Variants in PREX2 observed in about 807,000 individuals in gnomAD.
The protein encoded by PREX2 is phosphatidylinositol-3,4,5-trisphosphate dependent Rac exchange factor 2.
In PREX2, 107 loss-of-function variants were observed where a neutral mutation model predicts 203.2. The ratio of observed to expected loss-of-function variants is 0.53; its 90% CI spans 0.45 to 0.62. The LOEUF (loss-of-function observed/expected upper bound fraction) is 0.62, where lower values mean the gene tolerates loss of function less well. Among genes scored for constraint, PREX2 ranks in the 20% least tolerant of loss-of-function variants. PREX2 has a pLI of 0.00. For synonymous variants in PREX2, 672 were observed against 663.6 expected, an observed-to-expected ratio of 1.01 and a Z score of -0.19; for missense variants, 1,777 against 1,955.9, an observed-to-expected ratio of 0.91 and a Z score of 1.72.
At chr8:68,077,509 A>G in intron 15 of PREX2, 40 bp downstream of exon 15, 1 of 1,429,120 alleles carries the variant, frequency 7.0e-7, no homozygotes, top group Non-Finnish European at 9.9e-7. Flanking sequence ...GATGTATTTC[A>G]TCACGTTGGT....
intron 32 of PREX2, among the ~76,000 whole-genome samples, chr8:68,134,625 G>A (rs1811075210): frequency 6.6e-6 from 1 of 152,208 alleles, no homozygotes. Context: ...GACACAGGCT[G>A]CTGTGAAACC....
At chr8:68,084,473 G>A (rs1809623961) in intron 18 of PREX2, among the ~76,000 whole-genome samples, 1 of 152,128 alleles carries the variant, frequency 6.6e-6, no homozygotes, top group South Asian at 2.1e-4. Context: ...ATAGCTGGAT[G>A]TACTTCTGCA....
intron 1 of PREX2, among the ~76,000 whole-genome samples, chr8:67,980,035 C>T (rs1585673708): frequency 6.6e-6 from 1 of 152,176 alleles, no homozygotes; most frequent in South Asian, 2.1e-4. Context: ...GGAAGTTTTA[C>T]AGCACAGATA....
intron 23 of PREX2, chr8:68,103,667 G>A (rs747407543): frequency 1.9e-6 from 1 of 519,264 alleles, no homozygotes; most frequent in South Asian, 1.4e-5. Flanking sequence ...GCTGTATTTT[G>A]CCAAAGTCTA....
chr8:68,025,401 G>T (rs924023013), intron 4 of PREX2, among the ~76,000 whole-genome samples: 1 of 151,460 alleles, frequency 6.6e-6, no homozygotes, highest in African/African-American at 2.4e-5. Context: ...TTTATATGAT[G>T]GGTCATTTTT....
At chr8:68,151,247 C>T (rs1206040720) in intron 34 of PREX2, among the ~76,000 whole-genome samples, 1 of 151,782 alleles carries the variant, frequency 6.6e-6, no homozygotes, top group African/African-American at 2.4e-5. Flanking sequence ...ATAGTGAGAC[C>T]TCATCTCTTA....
intron 1 of PREX2, among the ~76,000 whole-genome samples, chr8:67,978,033 T>C (rs1176429653): frequency 6.6e-6 from 1 of 152,212 alleles, no homozygotes; most frequent in Non-Finnish European, 1.5e-5. Flanking sequence ...GGTTTTTAGC[T>C]GGTTGATCAG....
rs774226483 is a variant in PREX2 at position 68,022,055 on chromosome 8, A to G, written c.356A>G (p.Tyr119Cys). The G allele has an allele frequency of 3.3e-6, 5 of 1,502,640 alleles. No homozygotes were observed. In the South Asian group the frequency reaches 3.4e-5, roughly 10 times the overall value. The allele number at this position is 1,502,640 out of a possible 1,614,324, so 93.1% of individuals were successfully genotyped here. ...TCACAGAAAGACAAGTTTCGTATCT[A>G]TGATGAATATTGTAGTAACCATGAG... ...FLHFKDKFRIYDEYCSNHEKA... is the reference protein window; with the variant it reads ...FLHFKDKFRICDEYCSNHEKA... Residue 119 changes from tyrosine (Y) to cysteine (C), a missense_variant, in exon 4 of 40, where the codon TAT (tyrosine) becomes TGT (cysteine). Tyr to Cys is a radical substitution (Grantham distance 194, BLOSUM62 -2). Coordinates refer to ENST00000288368, the MANE Select transcript of PREX2 (RefSeq NM_024870.4).
intron 33 of PREX2, among the ~76,000 whole-genome samples, chr8:68,140,167 A>G (rs1387534085): frequency 1.3e-5 from 2 of 152,226 alleles, no homozygotes; most frequent in Non-Finnish European, 2.9e-5. Flanking sequence ...ACTTTGGAAC[A>G]CACACTAAAT....
At chr8:68,115,021 C>CTTTTTTTTTTTTT (rs5892137) in intron 25 of PREX2, among the ~76,000 whole-genome samples, 37 of 86,856 alleles carry the variant, frequency 4.3e-4, no homozygotes, top group East Asian at 7.4e-4. Flanking sequence ...TCTTTTCTTT[C>CTTTTTTTTTTTTT]TTTTTTTTTT....
chr8:68,089,087 G>A (rs1809786401), intron 19 of PREX2, among the ~76,000 whole-genome samples: 1 of 152,060 alleles, frequency 6.6e-6, no homozygotes, highest in South Asian at 2.1e-4. Flanking sequence ...TTCTCGTGTG[G>A]GTCACTGCAG....
intron 4 of PREX2, among the ~76,000 whole-genome samples, chr8:68,023,728 A>G (rs1387607468): frequency 6.6e-6 from 1 of 151,812 alleles, no homozygotes; most frequent in Non-Finnish European, 1.5e-5. Flanking sequence ...TTGTTTTCCC[A>G]CTTTTGATGC....
intron 23 of PREX2, chr8:68,102,788 A>G (rs770393781): frequency 3.9e-6 from 2 of 516,052 alleles, no homozygotes; most frequent in African/African-American, 3.9e-5. Flanking sequence ...AGACTGCTGC[A>G]ATTATAATAG....
intron 1 of PREX2, among the ~76,000 whole-genome samples, chr8:68,008,724 C>A (rs187869349): frequency 1.5e-4 from 23 of 152,156 alleles, no homozygotes; most frequent in Non-Finnish European, 2.8e-4. Context: ...CTTTTCTGTA[C>A]TGTTTTTGTG....
At chr8:68,128,240 A>G (rs1051526847) in intron 31 of PREX2, among the ~76,000 whole-genome samples, 10 of 152,264 alleles carry the variant, frequency 6.6e-5, no homozygotes, top group East Asian at 3.9e-4. Context: ...ATTTTAATCT[A>G]TTTCCCATAA....
At chr8:67,965,094 A>G (rs1805730584) in intron 1 of PREX2, among the ~76,000 whole-genome samples, 1 of 152,182 alleles carries the variant, frequency 6.6e-6, no homozygotes, top group Admixed American at 6.6e-5. Flanking sequence ...CATTTCAGGC[A>G]AACCATCAAG....
rs1563480229 is a variant in PREX2 at position 67,976,642 on chromosome 8, GACAGAGAGAGAGAGACGGGAGAGAGAC to G, written c.141+24109_141+24135del. Reference sequence around the variant, plus strand: ...GACAGAGAGAGAGAGACGGGAGAGAGACAGAGAGAGAGAGACGGGAGAGAGACAGAGAGAGAGACAGGAGAGAGACAG... The same window carrying G: ...GACAGAGAGAGAGAGACGGGAGAGAGAGAGAGAGAGACAGGAGAGAGACAG... On this transcript the variant is annotated intron_variant, in intron 1 of 39. Coordinates refer to ENST00000288368, the MANE Select transcript of PREX2 (RefSeq NM_024870.4). Among the ~76,000 whole-genome samples the G allele has an allele frequency of 4.4e-4, 44 of 100,982 alleles. 1 individual carries two copies. The highest frequency in any genetic ancestry group is 5.5e-4 in the African/African-American group (16 of 28,938). The allele number at this position is 100,982 out of a possible 152,430, so 66.2% of individuals were successfully genotyped here. A position where few individuals can be genotyped will look rare whatever the true frequency, so the allele number is the denominator to read the frequency against.
chr8:68,055,702 C>G, intron 9 of PREX2, 128 bp from the exon 10 acceptor site: 1 of 841,022 alleles, frequency 1.2e-6, no homozygotes, highest in South Asian at 1.6e-5. Context: ...CACTATTATA[C>G]AGAGATCTGT....
chr8:67,974,980 T>G (rs1806032492), intron 1 of PREX2, among the ~76,000 whole-genome samples: 1 of 152,198 alleles, frequency 6.6e-6, no homozygotes, highest in Non-Finnish European at 1.5e-5. Context: ...GAATCCATCC[T>G]TGCTGTGTGT....
Sources: allele counts gnomAD v4.1 joint callset (sites outside exome capture counted in the v4.1 genomes callset), GRCh38; gene constraint gnomAD v4.1.1; transcripts MANE v1.5; gene names NCBI Gene and HGNC (gene_info 2026-07-23, HGNC 2026-07-21).